The following SHROOM3 variants were observed in gnomAD, a reference collection of about 807,000 sequenced individuals.
SHROOM3 encodes shroom family member 3.
SHROOM3 carries 47 observed loss-of-function variants against 138.6 expected under a neutral mutation model. The ratio of observed to expected loss-of-function variants is 0.34; its 90% CI spans 0.27 to 0.43. SHROOM3 has a LOEUF of 0.43. Ranked by LOEUF, SHROOM3 falls within the 20% of genes least tolerant of loss-of-function variation. The probability of loss-of-function intolerance (pLI) is 1.00; values close to 1 mark genes in which losing one functional copy is unlikely to be tolerated. For synonymous variants in SHROOM3, 1,062 were observed against 1,063.3 expected (o/e 1.00, Z 0.02); for missense variants, 2,491 against 2,596.5 (o/e 0.96, Z 0.88).
rs10648549 is a variant in SHROOM3 at position 76,693,370 on chromosome 4, GTT to G, written c.324-16764_324-16763del. ...TGCATACCTTCATTTTGATAAGTTT[GTT>G]TTTTTTTTTTTTTTTTTTTTTAAAG... is the stretch of plus-strand genomic sequence containing the variant. On this transcript the variant is annotated intron_variant, in intron 2 of 10. Transcript: ENST00000296043. Among the ~76,000 whole-genome samples, 188 of 79,826 alleles carry G rather than the reference GTT, an allele frequency of 2.4e-3. 4 individuals are homozygous for G. The highest frequency in any genetic ancestry group is 6.2e-3 in the African/African-American group (122 of 19,566). The allele number at this position is 79,826 out of a possible 152,430, so 52.4% of individuals were successfully genotyped here. A position where few individuals can be genotyped will look rare whatever the true frequency, so the allele number is the denominator to read the frequency against.
intron 5 of SHROOM3, among the ~76,000 whole-genome samples, chr4:76,746,284 A>C (rs1721432068): frequency 6.6e-6 from 1 of 152,232 alleles, no homozygotes; most frequent in Non-Finnish European, 1.5e-5. Flanking sequence ...TATTTCAGTC[A>C]TGCATCATAT....
intron 3 of SHROOM3, among the ~76,000 whole-genome samples, chr4:76,714,638 C>G (rs1481369917): frequency 1.3e-5 from 2 of 152,160 alleles, no homozygotes; most frequent in South Asian, 4.2e-4. Context: ...ATGGAAATAT[C>G]CTGTTTCTCC....
At chr4:76,734,614 G>A (rs1026678084) in intron 4 of SHROOM3, among the ~76,000 whole-genome samples, 1 of 151,324 alleles carries the variant, frequency 6.6e-6, no homozygotes, top group South Asian at 2.1e-4. Context: ...GGGCTCAAGC[G>A]ATCCTCCCGC....
intron 1 of SHROOM3, among the ~76,000 whole-genome samples, chr4:76,439,453 A>T (rs1465878729): frequency 1.3e-5 from 2 of 152,196 alleles, no homozygotes; most frequent in Non-Finnish European, 2.9e-5. Flanking sequence ...GAGACAGGGC[A>T]TTATTTTGCC....
At chr4:76,713,089 A>G (rs1284231158) in intron 3 of SHROOM3, among the ~76,000 whole-genome samples, 1 of 152,242 alleles carries the variant, frequency 6.6e-6, no homozygotes, top group African/African-American at 2.4e-5. Context: ...TCAGCGAGTG[A>G]GTGGTGAGTG....
intron 2 of SHROOM3, among the ~76,000 whole-genome samples, chr4:76,681,008 T>C (rs537023112): frequency 1.1e-3 from 169 of 152,346 alleles, no homozygotes; most frequent in African/African-American, 4.0e-3. Flanking sequence ...ATAAAAGTTG[T>C]AGTGATTTCT....
At chr4:76,724,771 TC>T (rs1720650840) in intron 3 of SHROOM3, among the ~76,000 whole-genome samples, 1 of 152,232 alleles carries the variant, frequency 6.6e-6, no homozygotes, top group African/African-American at 2.4e-5. Context: ...AGATACTTCA[TC>T]CTTTTTAACA....
chr4:76,747,059 C>T, intron 5 of SHROOM3, among the ~76,000 whole-genome samples: 1 of 152,082 alleles, frequency 6.6e-6, no homozygotes, highest in East Asian at 1.9e-4. Context: ...ACCTCATGAT[C>T]TGCCTGTCTC....
chr4:76,614,784 T>C (rs1734838042), intron 2 of SHROOM3, among the ~76,000 whole-genome samples: 1 of 152,330 alleles, frequency 6.6e-6, no homozygotes, highest in South Asian at 2.1e-4. Context: ...TAAAGCATTA[T>C]GTGGAATAAC....
intron 1 of SHROOM3, among the ~76,000 whole-genome samples, chr4:76,450,645 A>T (rs1225151255): frequency 6.6e-6 from 1 of 152,234 alleles, no homozygotes; most frequent in Non-Finnish European, 1.5e-5. Context: ...CTCCACATAT[A>T]TGAGATACCC....
At chr4:76,593,919 TCG>T (rs1343618878) in intron 2 of SHROOM3, among the ~76,000 whole-genome samples, 2 of 152,168 alleles carry the variant, frequency 1.3e-5, no homozygotes, top group Non-Finnish European at 2.9e-5. Context: ...TATTGTCACA[TCG>T]CTACTGCTGG....
chr4:76,542,309 C>T (rs35078211), intron 1 of SHROOM3, among the ~76,000 whole-genome samples: 17,083 of 152,208 alleles, frequency 0.11, 1,060 homozygotes, highest in East Asian at 0.16. Context: ...CTTAAGGTCA[C>T]ACAGCTAGTA....
intron 1 of SHROOM3, among the ~76,000 whole-genome samples, chr4:76,532,617 T>C (rs1732856746): frequency 6.6e-6 from 1 of 152,188 alleles, no homozygotes. Context: ...ACTCAACACT[T>C]ATCACACACT....
At chr4:76,766,711 TGTCA>T (rs1346325660) in intron 9 of SHROOM3, among the ~76,000 whole-genome samples, 7 of 152,242 alleles carry the variant, frequency 4.6e-5, no homozygotes, top group Admixed American at 3.9e-4. Context: ...CTCTTGCTGC[TGTCA>T]GTTTCTCAAA....
At chr4:76,774,280 A>G (rs1229584204) in intron 10 of SHROOM3, among the ~76,000 whole-genome samples, 1 of 152,230 alleles carries the variant, frequency 6.6e-6, no homozygotes, top group Non-Finnish European at 1.5e-5. Flanking sequence ...ACTTACATGC[A>G]TGCCTGCACT....
At chr4:76,465,359 T>C (rs1402295687) in intron 1 of SHROOM3, among the ~76,000 whole-genome samples, 1 of 152,226 alleles carries the variant, frequency 6.6e-6, no homozygotes, top group Non-Finnish European at 1.5e-5. Context: ...TGCTGCAGTG[T>C]TTATGCCAAG....
chr4:76,740,225 C>G lies in SHROOM3; in HGVS notation c.2052C>G (p.Thr684=). 4 of 1,613,412 alleles carry G rather than the reference C, an allele frequency of 2.5e-6. No individual in the cohort carries two copies. Among genetic ancestry groups the G allele is most frequent in the Admixed American group, 1.7e-5 (1 of 60,030 alleles). Residue 684 remains threonine, a synonymous_variant, in exon 5 of 11, where the codon ACC becomes ACG. Coordinates refer to ENST00000296043, the MANE Select transcript of SHROOM3 (RefSeq NM_020859.4). The surrounding 1 kb of genome is among the most constrained non-coding windows in gnomAD (Gnocchi z 4.0). ...RHSSLELGRG[T]QEGYPGGRPT... ...GCAGCCTGGAGCTAGGCCGGGGAAC[C>G]CAGGAGGGTTACCCCGGGGGCAGGC...
chr4:76,460,358 C>T (rs1731114413), intron 1 of SHROOM3, among the ~76,000 whole-genome samples: 1 of 152,156 alleles, frequency 6.6e-6, no homozygotes, highest in Non-Finnish European at 1.5e-5. Flanking sequence ...ACAAACACAA[C>T]ATTTTTGTGT....
chr4:76,782,643 C>G lies in SHROOM3; in HGVS notation c.*3466C>G, dbSNP rs1045621072. Reference sequence around the variant, plus strand: ...TAATTGTCCATGGTAGTGCTGGCTTCATTGTTAGGTTGGAGTTATTATTTT... The same window carrying G: ...TAATTGTCCATGGTAGTGCTGGCTTGATTGTTAGGTTGGAGTTATTATTTT... On this transcript the variant is annotated 3_prime_UTR_variant, in exon 11 of 11. Transcript: ENST00000296043. 2 of 152,148 alleles carry G rather than the reference C, an allele frequency of 1.3e-5. No homozygotes were observed. 9.4% of individuals were successfully genotyped at this position (152,148 alleles called of 1,614,324 possible).
Sources: gnomAD v4.1 joint callset for allele counts (sites outside exome capture counted in the v4.1 genomes callset) on GRCh38, gnomAD v4.1.1 for gene constraint, Gnocchi (gnomAD v3.1) non-coding constraint, MANE v1.5 for transcripts, NCBI Gene and HGNC (gene_info 2026-07-23, HGNC 2026-07-21) for gene names.